RBM6: variants seen among roughly 807,000 people sequenced by gnomAD.
RBM6 encodes the protein RNA-binding protein 6.
Under a neutral mutation model 140.4 loss-of-function variants are expected in RBM6, and 23 were observed. The ratio of observed to expected loss-of-function variants is 0.16; its 90% CI spans 0.12 to 0.23. The LOEUF (loss-of-function observed/expected upper bound fraction) is 0.23, where lower values mean the gene tolerates loss of function less well. RBM6 is among the 10% of genes least tolerant of loss of function. RBM6 has a pLI of 1.00. For missense variants in RBM6, 1,139 were observed against 1,386.7 expected (o/e 0.82, Z 2.84); for synonymous variants, 439 against 475.6 (o/e 0.92, Z 1.00).
chr3:50,010,614 T>C (rs1036047075), intron 6 of RBM6, among the ~76,000 whole-genome samples: 5 of 152,054 alleles, frequency 3.3e-5, no homozygotes, highest in African/African-American at 4.8e-5. Context: ...TATGAAACTT[T>C]TTTTAAGGCC....
intron 15 of RBM6, 78 bp downstream of exon 15, chr3:50,062,186 G>A: frequency 6.7e-7 from 1 of 1,488,054 alleles, no homozygotes; most frequent in Non-Finnish European, 9.1e-7. Flanking sequence ...GGATATCTAT[G>A]TTTGCAAGTG....
chr3:49,969,679 C>G (rs911159312), intron 3 of RBM6, among the ~76,000 whole-genome samples: 4 of 151,532 alleles, frequency 2.6e-5, no homozygotes, highest in Admixed American at 2.6e-4. Flanking sequence ...CTCCTTGCAG[C>G]CTTGACCTCC....
At chr3:50,038,971 C>T (rs2088709460) in intron 6 of RBM6, among the ~76,000 whole-genome samples, 1 of 152,090 alleles carries the variant, frequency 6.6e-6, no homozygotes, top group Admixed American at 6.6e-5. Flanking sequence ...CCCTACATAC[C>T]TCATAATTAT....
chr3:50,065,723 G>C (rs2090100902), intron 16 of RBM6: 1 of 445,078 alleles, frequency 2.2e-6, no homozygotes, highest in South Asian at 1.6e-5. Flanking sequence ...TTCTTATAAG[G>C]TACCCTTTTC....
intron 1 of RBM6, among the ~76,000 whole-genome samples, chr3:49,941,566 G>A (rs2083278984): frequency 6.9e-6 from 1 of 145,972 alleles, no homozygotes; most frequent in African/African-American, 2.5e-5. Flanking sequence ...CTTGAACCTG[G>A]GAGGCGGAGG....
intron 8 of RBM6, 54 bp from the exon 9 acceptor site, chr3:50,057,674 T>C (rs1475898797): frequency 3.8e-5 from 54 of 1,430,740 alleles, no homozygotes; most frequent in Non-Finnish European, 4.8e-5. Context: ...TTTTTTCTTT[T>C]TTTTTTTTTT....
intron 6 of RBM6, among the ~76,000 whole-genome samples, chr3:50,040,493 T>TATATATATATATACAC (rs749096137): frequency 2.3e-5 from 2 of 85,880 alleles, no homozygotes; most frequent in African/African-American, 4.6e-5. Context: ...TATATATATA[T>TATATATATATATACAC]ACACACACAC....
intron 6 of RBM6, among the ~76,000 whole-genome samples, chr3:50,013,836 CAG>C (rs1307060539): frequency 1.3e-5 from 2 of 152,136 alleles, no homozygotes; most frequent in Non-Finnish European, 2.9e-5. Flanking sequence ...GGCTCTTAAA[CAG>C]GGGCTTCAAG....
intron 1 of RBM6, among the ~76,000 whole-genome samples, chr3:49,942,333 C>T (rs937266202): frequency 6.7e-6 from 1 of 150,110 alleles, no homozygotes; most frequent in Non-Finnish European, 1.5e-5. Flanking sequence ...ACTAAAAATA[C>T]AAAAAATGAG....
At chr3:50,033,773 C>G (rs1292915627) in intron 6 of RBM6, among the ~76,000 whole-genome samples, 1 of 152,130 alleles carries the variant, frequency 6.6e-6, no homozygotes, top group Non-Finnish European at 1.5e-5. Context: ...TCCCGAGTAG[C>G]TGGGGCTACA....
At chr3:49,960,393 A>G (rs889935137) in intron 1 of RBM6, among the ~76,000 whole-genome samples, 1 of 152,210 alleles carries the variant, frequency 6.6e-6, no homozygotes, top group Non-Finnish European at 1.5e-5. Flanking sequence ...TGGTTCAGAC[A>G]GTTACTACTT....
chr3:50,043,944 C>T (rs911660817), intron 6 of RBM6, among the ~76,000 whole-genome samples: 1 of 146,866 alleles, frequency 6.8e-6, no homozygotes, highest in African/African-American at 2.5e-5. Context: ...AGTGCAGTGG[C>T]GTGATCTTGG....
chr3:49,964,157 T>C (rs2084406323), intron 2 of RBM6, among the ~76,000 whole-genome samples: 1 of 152,124 alleles, frequency 6.6e-6, no homozygotes, highest in Non-Finnish European at 1.5e-5. Context: ...TCCACCTACC[T>C]CAGCCTCCCA....
Position 50,065,037 on chromosome 3 carries a change from G to A in RBM6, c.2593G>A (p.Glu865Lys). ...KKDRGVTRFQ[E>K]NASEGKAPAE... ...TTACCTCTGGTTTGATCAGTTTCAG[G>A]AAAATGCCAGTGAAGGGAAGGCCCC... The change falls in exon 16 of 21, where the codon GAA (glutamate) becomes AAA (lysine). Residue 865 changes from glutamate to lysine, a missense_variant. Physicochemically the swap from Glu to Lys is moderately conservative, Grantham distance 56. This residue lies in a region of RBM6 where 163 missense variants were observed against 182.8 expected (regional missense o/e 0.89). Coordinates refer to ENST00000266022, the MANE Select transcript of RBM6 (RefSeq NM_005777.3). 6.2e-7 allele frequency: 1 copy of A among 1,612,584 alleles called. No homozygotes were observed. Among genetic ancestry groups the A allele is most frequent in the South Asian group, 1.1e-5 (1 of 91,042 alleles).
chr3:50,010,921 A>AAAAAG (rs1306781625), intron 6 of RBM6, among the ~76,000 whole-genome samples: 1 of 151,290 alleles, frequency 6.6e-6, no homozygotes, highest in African/African-American at 2.4e-5. Flanking sequence ...AAAAAAAAAA[A>AAAAAG]AAAGTTTTTT....
At chr3:49,982,262 C>CTTTTTT (rs751604271) in intron 5 of RBM6, among the ~76,000 whole-genome samples, 1,056 of 68,456 alleles carry the variant, frequency 0.015, 23 homozygotes, top group Non-Finnish European at 0.021. Context: ...CTTTTCTTTT[C>CTTTTTT]TTTTTTTTTT....
intron 6 of RBM6, among the ~76,000 whole-genome samples, chr3:50,037,517 GA>G (rs2088615055): frequency 6.6e-6 from 1 of 152,168 alleles, no homozygotes; most frequent in Non-Finnish European, 1.5e-5. Context: ...TATTTCTGCA[GA>G]AATCAAGTCA....
At chr3:50,040,493 T>TACACAC (rs1553661202) in intron 6 of RBM6, among the ~76,000 whole-genome samples, 3,584 of 85,536 alleles carry the variant, frequency 0.042, 283 homozygotes, top group African/African-American at 0.14. Flanking sequence ...TATATATATA[T>TACACAC]ACACACACAC....
In RBM6 at chr3:49,962,573, C is replaced by T. The variant is rs1333001183; in HGVS notation, c.-66-3C>T. ...ACTAATTTTTGTGGTTTATTTTGTA[C>T]AGGTACTGCTATAACCAGAATTTGG... On this transcript the variant is annotated splice_region_variant and splice_polypyrimidine_tract_variant and intron_variant, in intron 1 of 20. Transcript: ENST00000266022. The T allele has an allele frequency of 2.2e-6, 3 of 1,374,354 alleles. No individual in the cohort carries two copies. The East Asian group carries it at 7.4e-5, about 34-fold the overall frequency. The allele number at this position is 1,374,354 out of a possible 1,614,324, so 85.1% of individuals were successfully genotyped here. A position where few individuals can be genotyped will look rare whatever the true frequency, so the allele number is the denominator to read the frequency against.
Sources: allele counts gnomAD v4.1 joint callset (sites outside exome capture counted in the v4.1 genomes callset), GRCh38; gene constraint gnomAD v4.1.1; regional missense constraint gnomAD v4.1.1; transcripts MANE v1.5; gene names NCBI Gene and HGNC (gene_info 2026-07-23, HGNC 2026-07-21).